MBD5: variants seen among roughly 807,000 people sequenced by gnomAD.
MBD5 encodes the protein methyl-CpG-binding domain protein 5.
A neutral mutation model predicts 117.3 loss-of-function variants in MBD5; 13 were observed. The observed-to-expected ratio is 0.11, with a 90% confidence interval of 0.07 to 0.18. The LOEUF (loss-of-function observed/expected upper bound fraction) is 0.18, where lower values mean the gene tolerates loss of function less well. Ranked by LOEUF, MBD5 falls within the 10% of genes least tolerant of loss-of-function variation. The probability of loss-of-function intolerance (pLI) is 1.00; values close to 1 mark genes in which losing one functional copy is unlikely to be tolerated. For synonymous variants in MBD5, 727 were observed against 766.4 expected (o/e 0.95, Z 0.85); for missense variants, 1,879 against 2,093.8 (o/e 0.90, Z 2.00).
chr2:148,282,900 C>G (rs965565151), intron 3 of MBD5, among the ~76,000 whole-genome samples: 2 of 23,712 alleles, frequency 8.4e-5, no homozygotes. Context: ...GACTTAACCG[C>G]CCCCCCCCAT....
chr2:148,315,297 G>A (rs1280822930), intron 3 of MBD5, among the ~76,000 whole-genome samples: 1 of 152,112 alleles, frequency 6.6e-6, no homozygotes, highest in Admixed American at 6.5e-5. Flanking sequence ...GTAAACAAAG[G>A]TAGCATAGCT....
At chr2:148,355,195 T>G (rs1375866391) in intron 4 of MBD5, among the ~76,000 whole-genome samples, 2 of 152,236 alleles carry the variant, frequency 1.3e-5, no homozygotes, top group Non-Finnish European at 2.9e-5. Flanking sequence ...ATGGGTAGAT[T>G]GCAAAAATTT....
intron 2 of MBD5, among the ~76,000 whole-genome samples, chr2:148,205,962 G>A (rs972728868): frequency 4.0e-5 from 6 of 151,870 alleles, no homozygotes; most frequent in Admixed American, 2.6e-4. Context: ...GCAACATGGC[G>A]AAACCCCAGC....
intron 2 of MBD5, among the ~76,000 whole-genome samples, chr2:148,180,027 TTTTTC>T (rs1365183205): frequency 6.6e-6 from 1 of 151,818 alleles, no homozygotes; most frequent in Non-Finnish European, 1.5e-5. Flanking sequence ...GCAGGAGTGT[TTTTTC>T]TTTTTTCTAT....
chr2:148,344,288 G>T (rs1370635579), intron 4 of MBD5, among the ~76,000 whole-genome samples: 1 of 151,936 alleles, frequency 6.6e-6, no homozygotes, highest in African/African-American at 2.4e-5. Flanking sequence ...GATTTGCGTT[G>T]TCTCTTCAGG....
chr2:148,395,856 A>G (rs1312784787), intron 4 of MBD5, among the ~76,000 whole-genome samples: 1 of 152,214 alleles, frequency 6.6e-6, no homozygotes, highest in Non-Finnish European at 1.5e-5. Flanking sequence ...AGCTGTGGGC[A>G]GGGTATTTCC....
At chr2:148,132,061 T>C (rs1697061337) in intron 1 of MBD5, among the ~76,000 whole-genome samples, 1 of 152,258 alleles carries the variant, frequency 6.6e-6, no homozygotes, top group Non-Finnish European at 1.5e-5. Context: ...TCATGTGACC[T>C]CTCCAAGTTT....
At chr2:148,275,112 C>CT (rs1701076413) in intron 3 of MBD5, among the ~76,000 whole-genome samples, 1 of 152,112 alleles carries the variant, frequency 6.6e-6, no homozygotes, top group African/African-American at 2.4e-5. Flanking sequence ...TTTTCTTATG[C>CT]AACCTATATA....
At chr2:148,163,568 A>G (rs746955433) in intron 1 of MBD5, among the ~76,000 whole-genome samples, 1 of 152,108 alleles carries the variant, frequency 6.6e-6, no homozygotes, top group Non-Finnish European at 1.5e-5. Context: ...GGCATGTGAC[A>G]CCACGCCTGG....
At chr2:148,101,931 A>C (rs546717293) in intron 1 of MBD5, among the ~76,000 whole-genome samples, 1 of 152,190 alleles carries the variant, frequency 6.6e-6, no homozygotes, top group East Asian at 1.9e-4. Flanking sequence ...ACACACACAT[A>C]GGCTGAACAA....
intron 2 of MBD5, among the ~76,000 whole-genome samples, chr2:148,211,504 C>A (rs1199474251): frequency 6.6e-6 from 1 of 152,096 alleles, no homozygotes; most frequent in Non-Finnish European, 1.5e-5. Flanking sequence ...CACACTGTGG[C>A]CCAGACTTGT....
At chr2:148,184,211 C>T (rs1392232262) in intron 2 of MBD5, among the ~76,000 whole-genome samples, 2 of 152,060 alleles carry the variant, frequency 1.3e-5, no homozygotes, top group Non-Finnish European at 2.9e-5. Context: ...TGGGGTTTCA[C>T]TGTGTTAGCC....
At chr2:148,441,988 T>G (rs1706339912) in intron 4 of MBD5, among the ~76,000 whole-genome samples, 1 of 152,192 alleles carries the variant, frequency 6.6e-6, no homozygotes, top group African/African-American at 2.4e-5. Context: ...TTGAGTTCAT[T>G]GTAGATTGTG....
At chr2:148,079,421 G>C (rs921204262) in intron 1 of MBD5, among the ~76,000 whole-genome samples, 2 of 152,132 alleles carry the variant, frequency 1.3e-5, no homozygotes, top group African/African-American at 4.8e-5. Flanking sequence ...AGAAAGTGAA[G>C]CTTCATATAA....
intron 1 of MBD5, among the ~76,000 whole-genome samples, chr2:148,078,919 GC>G (rs1010110068): frequency 6.6e-6 from 1 of 152,130 alleles, no homozygotes; most frequent in Non-Finnish European, 1.5e-5. Flanking sequence ...TTTATTAATT[GC>G]CCCATTGTTC....
chr2:148,504,460 T>A (rs1681967660), intron 12 of MBD5, among the ~76,000 whole-genome samples: 1 of 152,218 alleles, frequency 6.6e-6, no homozygotes, highest in Non-Finnish European at 1.5e-5. Context: ...CCACAACTGA[T>A]AAATTATATG....
intron 2 of MBD5, among the ~76,000 whole-genome samples, chr2:148,183,047 A>G (rs1698566858): frequency 6.6e-6 from 1 of 152,218 alleles, no homozygotes; most frequent in Non-Finnish European, 1.5e-5. Context: ...ATTTCAGTTA[A>G]TAATGCCCTG....
At chr2:148,173,959 C>T (rs538122469) in intron 1 of MBD5, among the ~76,000 whole-genome samples, 15 of 151,864 alleles carry the variant, frequency 9.9e-5, no homozygotes, top group Admixed American at 2.0e-4. Context: ...TATATGGAAC[C>T]ACAACAAAAA....
In MBD5 at chr2:148,489,744, G is replaced by T; in HGVS notation, c.4112G>T (p.Ser1371Ile). 1 of 1,614,174 alleles carries T rather than the reference G, an allele frequency of 6.2e-7. No homozygotes were observed. The highest frequency in any genetic ancestry group is 8.5e-7 in the Non-Finnish European group (1 of 1,180,048). The change falls in exon 11 of 14, where the codon AGT (serine) becomes ATT (isoleucine). Residue 1371 changes from serine (S) to isoleucine (I), a missense_variant. By Grantham distance (142) the Ser-to-Ile change is moderately radical. Transcript: ENST00000642680. Reference protein sequence around the residue: ...ASIGDPLNLSSAVSAVIHGRN... With the variant: ...ASIGDPLNLSIAVSAVIHGRN... The stretch of plus-strand genomic sequence containing the variant: ...ATTGGTGACCCATTAAATCTCTCCA[G>T]TGCTGTCAGTGCGGTCATTCATGGA...
Sources: gnomAD v4.1 joint callset for allele counts (sites outside exome capture counted in the v4.1 genomes callset) on GRCh38, gnomAD v4.1.1 for gene constraint, MANE v1.5 for transcripts, NCBI Gene and HGNC (gene_info 2026-07-23, HGNC 2026-07-21) for gene names.